C5: variants seen among roughly 807,000 people sequenced by gnomAD.
C5 encodes the protein C3 and PZP-like alpha-2-macroglobulin domain-containing protein 4.
A neutral mutation model predicts 218.8 loss-of-function variants in C5; 140 were observed. That is an observed-to-expected ratio of 0.64 (90% CI 0.56 to 0.74). C5 has a LOEUF of 0.74. C5 is among the 30% of genes least tolerant of loss of function. The pLI, the probability that C5 is intolerant of heterozygous loss-of-function variation, is 0.00. For missense variants in C5, 1,700 were observed against 1,969.6 expected (o/e 0.86, Z 2.59); for synonymous variants, 614 against 682.3 (o/e 0.90, Z 1.56).
At chr9:121,053,895 G>A (rs2047685333), upstream of C5, among the ~76,000 whole-genome samples, 1 of 152,150 alleles carries the variant, frequency 6.6e-6, no homozygotes, top group African/African-American at 2.4e-5. Context: ...AGAAACCCAG[G>A]TCATGGCTAG....
At chr9:120,963,091 G>A in intron 34 of C5, 124 bp from the exon 35 acceptor site, 2 of 800,952 alleles carry the variant, frequency 2.5e-6, no homozygotes, top group Non-Finnish European at 4.4e-6. Context: ...TTGAAGAGCA[G>A]TTCCTCTTCT....
At chr9:121,045,780 G>A (rs1325817740) in intron 2 of C5, among the ~76,000 whole-genome samples, 1 of 152,090 alleles carries the variant, frequency 6.6e-6, no homozygotes, top group Non-Finnish European at 1.5e-5. Context: ...TATAATTGTA[G>A]AATATTAGAG....
At chr9:121,072,812 TAAAAAAAAAA>T in the C5 span, among the ~76,000 whole-genome samples, 1 of 98,616 alleles carries the variant, frequency 1.0e-5, no homozygotes, top group Non-Finnish European at 2.2e-5. Flanking sequence ...TTCAAAAAAT[TAAAAAAAAAA>T]AAAAAAAAAA....
In C5 at chr9:121,016,305, C is replaced by A; in HGVS notation, c.1945G>T (p.Ala649Ser). 1 of 1,614,062 alleles carries A rather than the reference C, an allele frequency of 6.2e-7. No homozygotes were observed. Among genetic ancestry groups the A allele is most frequent in the Non-Finnish European group, 8.5e-7 (1 of 1,179,952 alleles). Reference protein sequence around the residue: ...GLNNANVFHLAGLTFLTNANA... With the variant: ...GLNNANVFHLSGLTFLTNANA... ...GCATTAGTGAGGAAGGTAAGTCCAGCTAGGTGGAACACATTGGCATTGTTG... is the reference window on the plus strand; with the variant it reads ...GCATTAGTGAGGAAGGTAAGTCCAGATAGGTGGAACACATTGGCATTGTTG... The change falls in exon 15 of 41, where the codon GCT (alanine) becomes TCT (serine). Residue 649 changes from alanine to serine, a missense_variant. Transcript: ENST00000223642.
intron 37 of C5, 130 bp from the exon 38 acceptor site, chr9:120,960,467 A>C (rs1287760707): frequency 1.5e-6 from 1 of 664,362 alleles, no homozygotes; most frequent in Non-Finnish European, 2.7e-6. Context: ...GATTTCTAAG[A>C]CCTGCCCATT....
chr9:121,007,082 A>C, intron 18 of C5, 105 bp from the exon 19 acceptor site: 4 of 804,658 alleles, frequency 5.0e-6, no homozygotes, highest in Non-Finnish European at 8.7e-6. Flanking sequence ...CTTTAGAGAA[A>C]GAAAAAAATT....
chr9:121,002,343 C>T (rs12347115), intron 20 of C5, among the ~76,000 whole-genome samples: 39,759 of 80,544 alleles, frequency 0.49, 9,768 homozygotes, highest in East Asian at 0.69. Context: ...TATATATATA[C>T]ACACATACCT....
rs746253765 is a variant in C5, at chr9:120,989,729, T to G, written c.2993A>C (p.Asn998Thr). The stretch of plus-strand genomic sequence containing the variant: ...CCCTTTGGGGAGGTGGGTTAGGATA[T>G]TGATGCCTTCCTGACTTAGAACTGC... ...LSAVLSQEGI[N>T]ILTHLPKGSA... is the part of the protein sequence containing the mutation. Residue 998 changes from asparagine to threonine, a missense_variant, in exon 24 of 41, where the codon AAT (asparagine) becomes ACT (threonine). Transcript: ENST00000223642. The G allele has an allele frequency of 7.4e-6, 12 of 1,614,048 alleles. No homozygotes were observed. The Admixed American group carries it at 2.0e-4, about 27-fold the overall frequency.
chr9:120,959,870 G>A (rs4310279), intron 38 of C5, among the ~76,000 whole-genome samples: 114,164 of 152,002 alleles, frequency 0.75, 43,095 homozygotes, highest in Middle Eastern at 0.84. Flanking sequence ...TAAAAACCAA[G>A]CCCCCTAAAT....
intron 11 of C5, 56 bp downstream of exon 11, chr9:121,021,453 C>G: frequency 7.0e-7 from 1 of 1,421,056 alleles, no homozygotes; most frequent in East Asian, 2.3e-5. Context: ...CTAGCCAAAA[C>G]ACATGGTCAA....
Position 121,005,998 on chromosome 9 carries a change from T to C in C5, c.2483A>G (p.Asn828Ser). 2 of 1,613,740 alleles carry C rather than the reference T, an allele frequency of 1.2e-6. No homozygotes were observed. The highest frequency in any genetic ancestry group is 2.7e-5 in the African/African-American group (2 of 75,040). ...KVFKDVFLEM[N>S]IPYSVVRGEQ... ...TCCTCGTACAACAGAATATGGTATA[T>C]TCATTTCCAGGAAGACATCTTTGAA... The change falls in exon 20 of 41, where the codon AAT (asparagine) becomes AGT (serine). Residue 828 changes from asparagine (N) to serine (S), a missense_variant. Transcript: ENST00000223642.
intron 21 of C5, among the ~76,000 whole-genome samples, chr9:120,997,135 C>T (rs1299421232): frequency 6.6e-6 from 1 of 151,742 alleles, no homozygotes; most frequent in Admixed American, 6.6e-5. Flanking sequence ...TCTCCAGTTC[C>T]TTGCATAATG....
chr9:121,036,984 T>C (rs1227158668), intron 4 of C5, among the ~76,000 whole-genome samples: 1 of 152,108 alleles, frequency 6.6e-6, no homozygotes, highest in African/African-American at 2.4e-5. Context: ...AGTTGTATTA[T>C]TTTATTTCCT....
chr9:120,971,233 T>A (rs1456777054), intron 31 of C5, among the ~76,000 whole-genome samples: 3 of 149,974 alleles, frequency 2.0e-5, no homozygotes, highest in African/African-American at 7.4e-5. Context: ...AAGAAATAAG[T>A]CTTTATGAAT....
At chr9:121,059,812 A>G in the C5 span, among the ~76,000 whole-genome samples, 2 of 152,370 alleles carry the variant, frequency 1.3e-5, no homozygotes, top group Non-Finnish European at 2.9e-5. The surrounding 1 kb of genome is among the most constrained non-coding windows in gnomAD (Gnocchi z 4.1). Context: ...GGAGAAGCCC[A>G]CGTAGAAAGG....
intron 6 of C5, among the ~76,000 whole-genome samples, chr9:121,030,901 C>T (rs1165221515): frequency 1.3e-5 from 2 of 151,944 alleles, no homozygotes; most frequent in Non-Finnish European, 2.9e-5. Flanking sequence ...TTGCTGTAGT[C>T]CAGGAGGGAG....
upstream of C5, among the ~76,000 whole-genome samples, chr9:121,050,719 T>C (rs748476835): frequency 3.3e-5 from 5 of 152,170 alleles, no homozygotes; most frequent in Non-Finnish European, 7.3e-5. Flanking sequence ...GATGATCTTT[T>C]TTTGGTGACC....
chr9:120,964,875 G>C (rs1324385644), intron 33 of C5, among the ~76,000 whole-genome samples: 1 of 152,110 alleles, frequency 6.6e-6, no homozygotes, highest in Admixed American at 6.5e-5. Context: ...TAATTCCCAG[G>C]CTTTGGTTTT....
chr9:120,971,309 C>T (rs774621086), intron 31 of C5, among the ~76,000 whole-genome samples: 8 of 151,552 alleles, frequency 5.3e-5, no homozygotes, highest in Non-Finnish European at 1.2e-4. Flanking sequence ...ATATACAATG[C>T]ACATATGTAC....
Sources: gnomAD v4.1 joint callset for allele counts (sites outside exome capture counted in the v4.1 genomes callset) on GRCh38, gnomAD v4.1.1 for gene constraint, Gnocchi (gnomAD v3.1) non-coding constraint, MANE v1.5 for transcripts, NCBI Gene and HGNC (gene_info 2026-07-23, HGNC 2026-07-21) for gene names.